Variants in TBC1D22A observed in about 807,000 individuals in gnomAD.
The protein encoded by TBC1D22A is putative GTPase activator.
TBC1D22A carries 38 observed loss-of-function variants against 60.2 expected under a neutral mutation model. That is an observed-to-expected ratio of 0.63 (90% confidence interval 0.49 to 0.83). The LOEUF is 0.83. TBC1D22A is among the 40% of genes least tolerant of loss of function. The pLI, the probability that TBC1D22A is intolerant of heterozygous loss-of-function variation, is 0.00. For missense variants in TBC1D22A, 628 were observed against 701.0 expected (o/e 0.90, Z 1.18); for synonymous variants, 302 against 281.7 (o/e 1.07, Z -0.72).
At position 46,814,863 on chromosome 22, in the gene TBC1D22A, A is replaced by G. The variant is rs1212109800; in HGVS notation, c.637+17243A>G. Among the ~76,000 whole-genome samples, 4 of 149,504 alleles carry G rather than the reference A, an allele frequency of 2.7e-5. No individual in the cohort carries two copies. In the East Asian group the frequency reaches 5.9e-4, roughly 22 times the overall value. The stretch of plus-strand genomic sequence containing the variant: ...GAGACAGGGTTTCACCATGTTGGTC[A>G]TGCTGGTCTCGAACCCCTGACCTCA... On this transcript the variant is annotated intron_variant, in intron 4 of 12. Transcript: ENST00000337137.
intron 10 of TBC1D22A, among the ~76,000 whole-genome samples, chr22:47,018,033 G>A (rs117022839): frequency 6.6e-6 from 1 of 152,384 alleles, no homozygotes; most frequent in Admixed American, 6.5e-5. Flanking sequence ...GTAATGGGCA[G>A]TCACATTCCC....
At chr22:47,027,676 G>T (rs1392240711) in intron 10 of TBC1D22A, among the ~76,000 whole-genome samples, 1 of 152,152 alleles carries the variant, frequency 6.6e-6, no homozygotes, top group Non-Finnish European at 1.5e-5. Context: ...CTTAAGCTAG[G>T]CAAGCAAGAT....
chr22:47,101,502 G>A (rs542909613), intron 11 of TBC1D22A, among the ~76,000 whole-genome samples: 308 of 152,382 alleles, frequency 2.0e-3, no homozygotes, highest in African/African-American at 6.9e-3. Context: ...GCGACCAGCT[G>A]CCTCAGCCAT....
At chr22:47,064,022 C>A (rs754706028) in intron 11 of TBC1D22A, among the ~76,000 whole-genome samples, 1 of 44,428 alleles carries the variant, frequency 2.3e-5, no homozygotes, top group Admixed American at 3.1e-4. Context: ...TGGATCAGGG[C>A]CCCCCCTACT....
rs371872564 is a variant in TBC1D22A, at chr22:46,912,086, A to G, written c.913A>G (p.Ile305Val). The stretch of plus-strand genomic sequence containing the variant: ...CATTTTCTTTCAGATTTTTGAAAGG[A>G]TCTTGTTCATATGGGCGATCCGCCA... ...QPKVTEIFER[I>V]LFIWAIRHPA... is the part of the protein sequence containing the mutation. The change falls in exon 8 of 13, where the codon ATC becomes GTC. Residue 305 changes from isoleucine to valine, a missense_variant. Ile to Val is a conservative substitution (Grantham distance 29). Transcript: ENST00000337137. The G allele has an allele frequency of 1.2e-6, 2 of 1,612,912 alleles. No individual in the cohort carries two copies. Among genetic ancestry groups the G allele is most frequent in the Admixed American group, 3.3e-5 (2 of 59,836 alleles).
intron 8 of TBC1D22A, among the ~76,000 whole-genome samples, chr22:46,959,920 C>T (rs2073405922): frequency 6.6e-6 from 1 of 152,214 alleles, no homozygotes; most frequent in Non-Finnish European, 1.5e-5. Context: ...TTAGCACTGC[C>T]TTCAGACACC....
At chr22:46,782,598 T>C (rs904656977) in intron 1 of TBC1D22A, among the ~76,000 whole-genome samples, 6 of 152,206 alleles carry the variant, frequency 3.9e-5, no homozygotes, top group African/African-American at 1.4e-4. Context: ...AAAAATTTCA[T>C]CACCACAGAG....
At chr22:46,917,617 G>A (rs921913658) in intron 8 of TBC1D22A, among the ~76,000 whole-genome samples, 1 of 152,210 alleles carries the variant, frequency 6.6e-6, no homozygotes, top group Non-Finnish European at 1.5e-5. Context: ...TGCTCTGTCG[G>A]CAGTGATTGA....
intron 12 of TBC1D22A, among the ~76,000 whole-genome samples, chr22:47,122,650 T>C (rs1046456310): frequency 6.6e-6 from 1 of 152,176 alleles, no homozygotes; most frequent in African/African-American, 2.4e-5. Context: ...AGATAAGCAA[T>C]AAAGACATCA....
intron 1 of TBC1D22A, among the ~76,000 whole-genome samples, chr22:46,763,066 G>T (rs1363537914): frequency 2.6e-5 from 4 of 152,166 alleles, no homozygotes; most frequent in African/African-American, 9.7e-5. Context: ...TTGCAAGGAC[G>T]AGGAGGAGCT....
chr22:47,048,480 T>C (rs1323826679), intron 11 of TBC1D22A, among the ~76,000 whole-genome samples: 1 of 152,140 alleles, frequency 6.6e-6, no homozygotes, highest in African/African-American at 2.4e-5. Flanking sequence ...AGAGGCCTCC[T>C]TGGCAGGCAG....
intron 7 of TBC1D22A, among the ~76,000 whole-genome samples, chr22:46,899,705 C>A (rs1240560980): frequency 1.3e-5 from 2 of 152,158 alleles, no homozygotes; most frequent in East Asian, 1.9e-4. Flanking sequence ...CATTTGCATT[C>A]CACTAGCAGG....
At chr22:47,037,724 C>T (rs566587071) in intron 11 of TBC1D22A, among the ~76,000 whole-genome samples, 1 of 152,324 alleles carries the variant, frequency 6.6e-6, no homozygotes, top group Non-Finnish European at 1.5e-5. Context: ...AGGCCGTTCT[C>T]TTTGTGGCTG....
At chr22:46,795,554 C>A (rs1298690901) in intron 3 of TBC1D22A, among the ~76,000 whole-genome samples, 1 of 152,236 alleles carries the variant, frequency 6.6e-6, no homozygotes. Context: ...GGGCCCATGA[C>A]CTCATTGCCT....
chr22:46,946,930 T>C (rs1028711973), intron 8 of TBC1D22A, among the ~76,000 whole-genome samples: 1 of 152,182 alleles, frequency 6.6e-6, no homozygotes, highest in Non-Finnish European at 1.5e-5. Context: ...TTTAAGCTGC[T>C]CCGTCTTTCT....
chr22:46,824,957 G>C (rs2085986136), intron 4 of TBC1D22A, among the ~76,000 whole-genome samples: 1 of 152,132 alleles, frequency 6.6e-6, no homozygotes. Context: ...GTGATCTGTA[G>C]CCGAGGCAGA....
rs575964233 is a variant in TBC1D22A, at chr22:46,848,523, C to T, written c.638-30130C>T. 1.3e-4 allele frequency among the ~76,000 whole-genome samples: 20 copies of T among 152,266 alleles called. No homozygotes were observed. In the South Asian group the frequency reaches 3.3e-3, roughly 25 times the overall value. On this transcript the variant is annotated intron_variant, in intron 4 of 12. Coordinates refer to ENST00000337137, the MANE Select transcript of TBC1D22A (RefSeq NM_014346.5). ...TCTCTAAGCCGAGGGAGAGACCTGG[C>T]GCAACAGGGAGTCGACCAACCGTTT...
intron 1 of TBC1D22A, among the ~76,000 whole-genome samples, chr22:46,782,448 G>A (rs1569024120): frequency 6.6e-6 from 1 of 152,204 alleles, no homozygotes; most frequent in South Asian, 2.1e-4. Context: ...GACACAATGG[G>A]GTCAGGGAGG....
At chr22:46,951,759 G>A (rs35932217) in intron 8 of TBC1D22A, among the ~76,000 whole-genome samples, 8 of 152,212 alleles carry the variant, frequency 5.3e-5, no homozygotes, top group Non-Finnish European at 7.3e-5. Context: ...AGTGGAATTT[G>A]TGCTGCCGGA....
Sources: allele counts gnomAD v4.1 joint callset (sites outside exome capture counted in the v4.1 genomes callset), GRCh38; gene constraint gnomAD v4.1.1; transcripts MANE v1.5; gene names NCBI Gene and HGNC (gene_info 2026-07-23, HGNC 2026-07-21).